Variants in KPNA3 observed in about 807,000 individuals in gnomAD.
The protein encoded by KPNA3 is importin subunit alpha-4.
KPNA3 carries 13 observed loss-of-function variants against 73.8 expected under a neutral mutation model. The observed-to-expected ratio is 0.18, with a 90% CI of 0.11 to 0.28. The LOEUF (loss-of-function observed/expected upper bound fraction) is 0.28. Among genes scored for constraint, KPNA3 ranks in the 10% least tolerant of loss-of-function variants. The pLI is 1.00. For missense variants in KPNA3, 360 were observed against 618.1 expected (o/e 0.58, Z 4.43); for synonymous variants, 186 against 206.9 (o/e 0.90, Z 0.87).
intron 6 of KPNA3, among the ~76,000 whole-genome samples, chr13:49,728,677 C>G (rs1399121727): frequency 6.6e-6 from 1 of 152,164 alleles, no homozygotes; most frequent in African/African-American, 2.4e-5. Context: ...TGGGGATGCT[C>G]AAGGTATTAT....
intron 6 of KPNA3, among the ~76,000 whole-genome samples, chr13:49,725,719 T>C (rs964161274): frequency 1.7e-4 from 26 of 152,010 alleles, no homozygotes; most frequent in East Asian, 7.8e-4. Context: ...TCTTGACTCA[T>C]TGCAATCTCT....
chr13:49,750,861 G>A (rs774300928), intron 1 of KPNA3, among the ~76,000 whole-genome samples: 2 of 151,840 alleles, frequency 1.3e-5, no homozygotes, highest in African/African-American at 2.4e-5. Flanking sequence ...GCATGGTGGC[G>A]CACGCCTGTA....
intron 1 of KPNA3, among the ~76,000 whole-genome samples, chr13:49,761,367 T>C (rs1271223845): frequency 6.6e-6 from 1 of 152,206 alleles, no homozygotes; most frequent in African/African-American, 2.4e-5. Flanking sequence ...GCCTGCCGAG[T>C]GCCTGCGATT....
intron 12 of KPNA3, among the ~76,000 whole-genome samples, chr13:49,708,035 G>A (rs1426938900): frequency 2.1e-5 from 3 of 143,446 alleles, no homozygotes; most frequent in African/African-American, 5.2e-5. Context: ...TTGCTCTGTC[G>A]CCCAGGCTGG....
chr13:49,761,299 G>C lies in KPNA3; in HGVS notation c.70-14306C>G, dbSNP rs574296273. On this transcript the variant is annotated intron_variant, in intron 1 of 16. Transcript: ENST00000261667. Reference sequence around the variant, plus strand: ...TCCCTCTAATGGCGAGCCGAAGCTGGACTGTACTGCTGCCATCTCGGCTCA... The same window carrying C: ...TCCCTCTAATGGCGAGCCGAAGCTGCACTGTACTGCTGCCATCTCGGCTCA... 1.6e-4 allele frequency among the ~76,000 whole-genome samples: 25 copies of C among 152,180 alleles called. No homozygotes were observed. The East Asian group carries it at 3.3e-3, about 20-fold the overall frequency.
At chr13:49,709,113 T>G (rs1292454046) in intron 12 of KPNA3, among the ~76,000 whole-genome samples, 1 of 151,992 alleles carries the variant, frequency 6.6e-6, no homozygotes, top group Non-Finnish European at 1.5e-5. Flanking sequence ...CGATTAAAAG[T>G]TGAAAAAGGC....
At position 49,735,744 on chromosome 13, in the gene KPNA3, C is replaced by T. The variant is rs535216085; in HGVS notation, c.115-2698G>A. On this transcript the variant is annotated intron_variant, in intron 2 of 16. Coordinates refer to ENST00000261667, the MANE Select transcript of KPNA3 (RefSeq NM_002267.4). ...AAATCCATTATTAATCTATTATCCA[C>T]GTATGCATGTATCTACCTAGCCCTT... is the stretch of plus-strand genomic sequence containing the variant. 4.6e-5 allele frequency among the ~76,000 whole-genome samples: 7 copies of T among 152,270 alleles called. No homozygotes were observed. The South Asian group carries it at 8.3e-4, about 18-fold the overall frequency.
intron 15 of KPNA3, among the ~76,000 whole-genome samples, chr13:49,704,390 C>A (rs749724538): frequency 2.1e-5 from 3 of 146,162 alleles, no homozygotes; most frequent in African/African-American, 7.6e-5. Flanking sequence ...CCAGCCTGGG[C>A]AACAAGAGCG....
rs1241004915 is a variant in KPNA3, at chr13:49,732,243, A to G, written c.383+128T>C. The G allele has an allele frequency of 6.6e-6, 3 of 457,172 alleles. No individual in the cohort carries two copies. The Admixed American group carries it at 1.2e-4, about 18-fold the overall frequency. The allele number at this position is 457,172 out of a possible 1,614,324, so 28.3% of individuals were successfully genotyped here. On this transcript the variant is annotated intron_variant, in intron 6 of 16. Transcript: ENST00000261667. ...AATATGATCACAGAATAAGAAAATT[A>G]AATTAAAATATATGACGATTGAAAA...
chr13:49,711,238 C>A (rs955880022), intron 10 of KPNA3, among the ~76,000 whole-genome samples: 1 of 152,184 alleles, frequency 6.6e-6, no homozygotes, highest in Admixed American at 6.5e-5. Context: ...AAATGAGACA[C>A]AGAAGTCTGG....
intron 1 of KPNA3, among the ~76,000 whole-genome samples, chr13:49,762,464 G>C (rs1954775252): frequency 6.6e-6 from 1 of 152,214 alleles, no homozygotes; most frequent in African/African-American, 2.4e-5. Flanking sequence ...TCAGATTGTT[G>C]CTGTGTCTGT....
At chr13:49,766,997 ATTTT>A (rs199591606) in intron 1 of KPNA3, among the ~76,000 whole-genome samples, 1 of 118,398 alleles carries the variant, frequency 8.4e-6, no homozygotes, top group Admixed American at 8.7e-5. Context: ...TCAAGTTAGG[ATTTT>A]TTTTTTTTTT....
intron 1 of KPNA3, among the ~76,000 whole-genome samples, chr13:49,784,743 A>G (rs1048487815): frequency 3.3e-5 from 5 of 152,198 alleles, no homozygotes; most frequent in African/African-American, 1.2e-4. Flanking sequence ...ACACATGGGA[A>G]AAATTATTGT....
intron 10 of KPNA3, among the ~76,000 whole-genome samples, chr13:49,717,234 G>A (rs1954312145): frequency 6.6e-6 from 1 of 151,902 alleles, no homozygotes. Context: ...GTCATTACAA[G>A]ATAAACTTAA....
At chr13:49,733,586 G>A (rs1954492063) in intron 2 of KPNA3, among the ~76,000 whole-genome samples, 1 of 152,168 alleles carries the variant, frequency 6.6e-6, no homozygotes, top group South Asian at 2.1e-4. Context: ...ACTGCGCCTT[G>A]CCTATTTGCG....
intron 12 of KPNA3, 138 bp downstream of exon 12, chr13:49,709,434 G>T: frequency 1.3e-5 from 7 of 558,108 alleles, no homozygotes; most frequent in Non-Finnish European, 1.7e-5. Context: ...AAAAACATTT[G>T]CAGAGGTGAT....
chr13:49,711,090 T>G (rs1954256081), intron 10 of KPNA3, 68 bp from the exon 11 acceptor site: 2 of 1,430,444 alleles, frequency 1.4e-6, no homozygotes, highest in East Asian at 4.9e-5. Flanking sequence ...TCAACACACC[T>G]CAGGAGTAGT....
chr13:49,783,646 C>T (rs1954958460), intron 1 of KPNA3, among the ~76,000 whole-genome samples: 1 of 152,156 alleles, frequency 6.6e-6, no homozygotes, highest in African/African-American at 2.4e-5. Context: ...ATCCTACTGA[C>T]TCTGAAGTTA....
At chr13:49,736,418 T>G (rs930888922) in intron 2 of KPNA3, among the ~76,000 whole-genome samples, 1 of 152,218 alleles carries the variant, frequency 6.6e-6, no homozygotes, top group Non-Finnish European at 1.5e-5. Context: ...ATCTAATGCA[T>G]GTTTCTTTTT....
Sources: allele counts gnomAD v4.1 joint callset (sites outside exome capture counted in the v4.1 genomes callset), GRCh38; gene constraint gnomAD v4.1.1; transcripts MANE v1.5; gene names NCBI Gene and HGNC (gene_info 2026-07-23, HGNC 2026-07-21).